Variants in FNDC1 observed in about 807,000 individuals in gnomAD.
The protein encoded by FNDC1 is fibronectin type III domain containing 1.
In FNDC1, 96 loss-of-function variants were observed where a neutral mutation model predicts 168.0. The observed-to-expected ratio is 0.57, with a 90% CI of 0.48 to 0.68. FNDC1 has a LOEUF of 0.68. Among genes scored for constraint, FNDC1 ranks in the 30% least tolerant of loss-of-function variants. FNDC1 has a pLI of 0.00. For synonymous variants in FNDC1, 1,099 were observed against 1,025.9 expected, an observed-to-expected ratio of 1.07 and a Z score of -1.36; for missense variants, 2,587 against 2,482.1, an observed-to-expected ratio of 1.04 and a Z score of -0.90.
At chr6:159,204,942 GA>G (rs751653859) in intron 4 of FNDC1, among the ~76,000 whole-genome samples, 5 of 152,112 alleles carry the variant, frequency 3.3e-5, no homozygotes, top group African/African-American at 9.7e-5. Context: ...TCCCTGGGGG[GA>G]TGAAGGTTTC....
At chr6:159,184,188 ACAGCT>A (rs1300795445) in intron 1 of FNDC1, among the ~76,000 whole-genome samples, 1 of 152,266 alleles carries the variant, frequency 6.6e-6, no homozygotes, top group Non-Finnish European at 1.5e-5. Context: ...TTATGATAAC[ACAGCT>A]CATTTTAAAT....
chr6:159,226,384 A>G, intron 8 of FNDC1, 89 bp from the exon 9 acceptor site: 1 of 1,007,456 alleles, frequency 9.9e-7, no homozygotes, highest in Non-Finnish European at 1.4e-6. Flanking sequence ...TTCAATTTAA[A>G]AAAATGTGTA....
At chr6:159,245,019 T>G (rs928847936) in intron 14 of FNDC1, among the ~76,000 whole-genome samples, 2 of 152,172 alleles carry the variant, frequency 1.3e-5, no homozygotes, top group African/African-American at 2.4e-5. Flanking sequence ...AGGCACATCT[T>G]ACATGGTGGC....
At chr6:159,269,577 A>ATCTG (rs879656250) in intron 22 of FNDC1, among the ~76,000 whole-genome samples, 1,517 of 112,536 alleles carry the variant, frequency 0.013, 24 homozygotes, top group African/African-American at 0.032. Context: ...CATCTATCCT[A>ATCTG]TCTGTCTGTC....
chr6:159,203,985 C>A (rs1016131615), intron 4 of FNDC1, among the ~76,000 whole-genome samples: 3 of 152,186 alleles, frequency 2.0e-5, no homozygotes, highest in African/African-American at 7.2e-5. Context: ...AAAATCAAGT[C>A]CTCTGTGCTT....
intron 16 of FNDC1, among the ~76,000 whole-genome samples, 195 bp from the exon 17 acceptor site, chr6:159,251,107 A>T (rs1777247909): frequency 1.3e-5 from 2 of 152,170 alleles, no homozygotes; most frequent in African/African-American, 4.8e-5. Flanking sequence ...GAATTACCAG[A>T]TTGAAAGACA....
Position 159,229,795 on chromosome 6 carries a change from C to A in FNDC1, c.1181-20C>A. On this transcript the variant is annotated intron_variant, in intron 9 of 22. Coordinates refer to ENST00000297267, the MANE Select transcript of FNDC1 (RefSeq NM_032532.3). ...CTGTTTTCAGTTTCCTCCTTCCAAC[C>A]ATCTGCCAAATCATTTCAGAATACA... 6.3e-7 allele frequency: 1 copy of A among 1,597,834 alleles called. No individual in the cohort carries two copies. Among genetic ancestry groups the A allele is most frequent in the Non-Finnish European group, 8.6e-7 (1 of 1,169,372 alleles).
chr6:159,231,870 A>G lies in FNDC1; in HGVS notation c.1370-12A>G. 6.4e-7 allele frequency: 1 copy of G among 1,569,188 alleles called. No homozygotes were observed. On this transcript the variant is annotated splice_polypyrimidine_tract_variant and intron_variant, in intron 10 of 22. Transcript: ENST00000297267. Reference sequence around the variant, plus strand: ...TCTTCTTTGACAGGCAATTCTTTAAAATCTGTTGCAGCCAGTAAGGCGGAT... The same window carrying G: ...TCTTCTTTGACAGGCAATTCTTTAAGATCTGTTGCAGCCAGTAAGGCGGAT...
chr6:159,178,746 C>CTT (rs772005826), intron 1 of FNDC1, among the ~76,000 whole-genome samples: 1 of 140,736 alleles, frequency 7.1e-6, no homozygotes. Context: ...AAGTGTTTTT[C>CTT]TTTTTTTTTT....
intron 15 of FNDC1, among the ~76,000 whole-genome samples, chr6:159,248,381 C>T (rs979749098): frequency 2.6e-5 from 4 of 151,890 alleles, no homozygotes; most frequent in Admixed American, 1.3e-4. Flanking sequence ...TCTTGGCTCA[C>T]GGCAACCTCT....
rs541436305 is a variant in FNDC1 at position 159,175,744 on chromosome 6, G to A, written c.109+6039G>A. 1.2e-4 allele frequency among the ~76,000 whole-genome samples: 19 copies of A among 152,264 alleles called. No individual in the cohort carries two copies. The South Asian group carries it at 2.1e-3, about 17-fold the overall frequency. ...GCTCGCCTGTTGGCATCTTAGAGCC[G>A]GTGCTCGGTGTCTAACCTGTTACCC... On this transcript the variant is annotated intron_variant, in intron 1 of 22. Coordinates refer to ENST00000297267, the MANE Select transcript of FNDC1 (RefSeq NM_032532.3).
intron 6 of FNDC1, among the ~76,000 whole-genome samples, chr6:159,222,706 C>A (rs1328458403): frequency 6.6e-6 from 1 of 152,212 alleles, no homozygotes; most frequent in Non-Finnish European, 1.5e-5. Context: ...GTCTTGGACT[C>A]ACACCTTCTA....
intron 1 of FNDC1, among the ~76,000 whole-genome samples, chr6:159,170,544 AT>A (rs1781631968): frequency 6.6e-6 from 1 of 152,070 alleles, no homozygotes; most frequent in South Asian, 2.1e-4. Flanking sequence ...CTTTGCAGGC[AT>A]TTTTACACTT....
intron 12 of FNDC1, among the ~76,000 whole-genome samples, chr6:159,237,694 A>C (rs447637): frequency 1.3e-5 from 2 of 152,228 alleles, no homozygotes; most frequent in South Asian, 4.1e-4. Flanking sequence ...GAAATATATG[A>C]AACAGAAAAT....
chr6:159,233,858 C>A lies in FNDC1; in HGVS notation c.3346C>A (p.Pro1116Thr). Reference sequence around the variant, plus strand: ...TCCCAAGCACCAGCAGGTGGAGTCTCCCACAGGCGCAGGGGCAGGTGGCGA... The same window carrying A: ...TCCCAAGCACCAGCAGGTGGAGTCTACCACAGGCGCAGGGGCAGGTGGCGA... Reference protein sequence around the residue: ...SLPKHQQVESPTGAGAGGDHR... With the variant: ...SLPKHQQVESTTGAGAGGDHR... The change falls in exon 11 of 23, where the codon CCC becomes ACC. Residue 1116 changes from proline to threonine, a missense_variant. Pro to Thr is a conservative substitution (Grantham distance 38, BLOSUM62 -1). Transcript: ENST00000297267. The surrounding 1 kb of genome is among the most constrained non-coding windows in gnomAD (Gnocchi z 4.6). The A allele has an allele frequency of 1.9e-6, 3 of 1,546,840 alleles. No homozygotes were observed. Among genetic ancestry groups the A allele is most frequent in the Non-Finnish European group, 2.6e-6 (3 of 1,145,164 alleles).
intron 1 of FNDC1, among the ~76,000 whole-genome samples, chr6:159,177,206 G>C (rs1044575076): frequency 2.0e-5 from 3 of 152,150 alleles, no homozygotes; most frequent in African/African-American, 7.2e-5. Context: ...GCTTAAAGAG[G>C]AAATAAATGG....
chr6:159,192,652 A>G (rs753247076), intron 1 of FNDC1, among the ~76,000 whole-genome samples: 1 of 152,212 alleles, frequency 6.6e-6, no homozygotes, highest in Non-Finnish European at 1.5e-5. Context: ...TTTGAAACTC[A>G]TATTGGACCA....
chr6:159,242,517 T>A (rs489242), intron 14 of FNDC1, among the ~76,000 whole-genome samples: 22,257 of 152,220 alleles, frequency 0.15, 1,922 homozygotes, highest in East Asian at 0.38. Flanking sequence ...AGAAATTAAA[T>A]TTTAAAAATG....
rs1454590239 is a variant in FNDC1 at position 159,233,400 on chromosome 6, A to G, written c.2888A>G (p.His963Arg). 1 of 1,613,296 alleles carries G rather than the reference A, an allele frequency of 6.2e-7. No individual in the cohort carries two copies. Among genetic ancestry groups the G allele is most frequent in the South Asian group, 1.1e-5 (1 of 90,976 alleles). The stretch of plus-strand genomic sequence containing the variant: ...AGCACAGACGCGGACACGGAGGGTC[A>G]TTCTCCCAAAGCACAGCCAGGGTCC... The part of the protein sequence containing the change: ...QQSTDADTEG[H>R]SPKAQPGSTD... The change falls in exon 11 of 23, where the codon CAT (histidine) becomes CGT (arginine). Residue 963 changes from histidine (H) to arginine (R), a missense_variant. Coordinates refer to ENST00000297267, the MANE Select transcript of FNDC1 (RefSeq NM_032532.3). The surrounding 1 kb of genome is among the most constrained non-coding windows in gnomAD (Gnocchi z 4.6).
Sources: allele counts gnomAD v4.1 joint callset (sites outside exome capture counted in the v4.1 genomes callset), GRCh38; gene constraint gnomAD v4.1.1; non-coding constraint Gnocchi (gnomAD v3.1); transcripts MANE v1.5; gene names NCBI Gene and HGNC (gene_info 2026-07-23, HGNC 2026-07-21).